Variants in BTBD7 observed in about 807,000 individuals in gnomAD.
BTBD7 encodes the protein BTB/POZ domain-containing protein 7.
A neutral mutation model predicts 99.9 loss-of-function variants in BTBD7; 38 were observed. The observed-to-expected ratio is 0.38, with a 90% confidence interval of 0.29 to 0.50. The LOEUF is 0.50. Among genes scored for constraint, BTBD7 ranks in the 20% least tolerant of loss-of-function variants. The probability of loss-of-function intolerance (pLI) is 0.93; values close to 1 mark genes in which losing one functional copy is unlikely to be tolerated. For synonymous variants in BTBD7, 520 were observed against 511.4 expected, an observed-to-expected ratio of 1.02 and a Z score of -0.23; for missense variants, 1,170 against 1,394.6, an observed-to-expected ratio of 0.84 and a Z score of 2.57.
chr14:93,267,845 T>G (rs1477836069), intron 3 of BTBD7, among the ~76,000 whole-genome samples: 1 of 152,208 alleles, frequency 6.6e-6, no homozygotes, highest in African/African-American at 2.4e-5. Context: ...ACTTTTCCCC[T>G]GCATTATTGA....
Position 93,242,915 on chromosome 14 carries a change from A to T in BTBD7, c.2757T>A (p.His919Gln), listed in dbSNP as rs1299021045. Reference protein sequence around the residue: ...PQHLSCIPQRHTHTSRKKHTL... With the variant: ...PQHLSCIPQRQTHTSRKKHTL... Reference sequence around the variant, plus strand: ...TGTGTTTTTTCCGAGAAGTGTGTGTATGTCTCTGTGGAATACACGACAGAT... The same window carrying T: ...TGTGTTTTTTCCGAGAAGTGTGTGTTTGTCTCTGTGGAATACACGACAGAT... The change falls in exon 11 of 11, where the codon CAT (histidine) becomes CAA (glutamine). Residue 919 changes from histidine (H) to glutamine (Q), a missense_variant. Around this residue, in one of 4 missense-constraint regions of BTBD7, gnomAD observed 495 missense variants for 525.9 expected, o/e 0.94. Transcript: ENST00000334746. 6.2e-7 allele frequency: 1 copy of T among 1,613,954 alleles called. No individual in the cohort carries two copies. Among genetic ancestry groups the T allele is most frequent in the Non-Finnish European group, 8.5e-7 (1 of 1,179,998 alleles).
In BTBD7 at chr14:93,237,618, G is replaced by A. The variant is rs577306562; in HGVS notation, c.*4655C>T. 5.4e-4 allele frequency: 82 copies of A among 152,740 alleles called. No individual in the cohort carries two copies. The highest frequency in any genetic ancestry group is 1.9e-3 in the African/African-American group (78 of 41,566). 9.5% of individuals were successfully genotyped at this position (152,740 alleles called of 1,614,324 possible). A position where few individuals can be genotyped will look rare whatever the true frequency, so the allele number is the denominator to read the frequency against. ...TAAAGTCAGTGTTACATGCTTATCAGTAACAGTAGAAAAATAGAAGCAGTG... is the reference window on the plus strand; with the variant it reads ...TAAAGTCAGTGTTACATGCTTATCAATAACAGTAGAAAAATAGAAGCAGTG... On this transcript the variant is annotated 3_prime_UTR_variant, in exon 11 of 11. Coordinates refer to ENST00000334746, the MANE Select transcript of BTBD7 (RefSeq NM_001002860.4).
At chr14:93,319,432 A>G (rs2053245020) in intron 1 of BTBD7, among the ~76,000 whole-genome samples, 1 of 152,224 alleles carries the variant, frequency 6.6e-6, no homozygotes. Flanking sequence ...ATGGAATACT[A>G]TTTGGCCTCA....
At chr14:93,312,947 G>A (rs1177622334) in intron 1 of BTBD7, among the ~76,000 whole-genome samples, 1 of 152,002 alleles carries the variant, frequency 6.6e-6, no homozygotes, top group Non-Finnish European at 1.5e-5. Flanking sequence ...ACAGAAGTTT[G>A]GCATGACATA....
intron 1 of BTBD7, among the ~76,000 whole-genome samples, chr14:93,317,297 G>A (rs529808112): frequency 4.0e-5 from 6 of 151,672 alleles, no homozygotes; most frequent in South Asian, 4.2e-4. Context: ...GAGCCACTGC[G>A]CCCGGCCGGA....
chr14:93,329,698 G>A (rs1362084869), intron 1 of BTBD7, among the ~76,000 whole-genome samples: 3 of 152,132 alleles, frequency 2.0e-5, no homozygotes, highest in Admixed American at 1.3e-4. Context: ...AGATATAGAA[G>A]GACAAATACT....
intron 4 of BTBD7, 25 bp from the exon 5 acceptor site, chr14:93,261,702 T>A (rs2052491041): frequency 1.3e-6 from 2 of 1,539,166 alleles, no homozygotes; most frequent in Admixed American, 1.7e-5. Flanking sequence ...GGTTTATATT[T>A]ATTTTAGTGA....
intron 10 of BTBD7, chr14:93,244,165 C>A: frequency 2.2e-6 from 1 of 447,602 alleles, no homozygotes; most frequent in South Asian, 1.7e-5. Flanking sequence ...GCAGACTAGG[C>A]TGATTTTCCC....
chr14:93,287,085 C>G (rs1334756398), intron 3 of BTBD7, among the ~76,000 whole-genome samples: 1 of 151,896 alleles, frequency 6.6e-6, no homozygotes, highest in Non-Finnish European at 1.5e-5. Flanking sequence ...AAAAATTAGC[C>G]GGGCATGGTG....
rs2052907509 is a variant in BTBD7 at position 93,294,950 on chromosome 14, T to G, written c.83-13A>C. 2 of 1,525,708 alleles carry G rather than the reference T, an allele frequency of 1.3e-6. No homozygotes were observed. The highest frequency in any genetic ancestry group is 1.7e-6 in the Non-Finnish European group (2 of 1,143,366). The allele number at this position is 1,525,708 out of a possible 1,614,324, so 94.5% of individuals were successfully genotyped here. A position where few individuals can be genotyped will look rare whatever the true frequency, so the allele number is the denominator to read the frequency against. Reference sequence around the variant, plus strand: ...TAGGATGAGGTCCCTAAGAAAAAAATTAAACAAATGAAAATTTATTTTTTC... The same window carrying G: ...TAGGATGAGGTCCCTAAGAAAAAAAGTAAACAAATGAAAATTTATTTTTTC... On this transcript the variant is annotated splice_polypyrimidine_tract_variant and intron_variant, in intron 2 of 10. Coordinates refer to ENST00000334746, the MANE Select transcript of BTBD7 (RefSeq NM_001002860.4).
intron 3 of BTBD7, chr14:93,287,845 T>C (rs2052798609): frequency 6.6e-6 from 1 of 152,228 alleles, no homozygotes; most frequent in South Asian, 2.1e-4. Flanking sequence ...GTTTGCTTCG[T>C]CATTTGGTGG....
At chr14:93,270,510 TG>T (rs1349805357) in intron 3 of BTBD7, among the ~76,000 whole-genome samples, 1 of 151,644 alleles carries the variant, frequency 6.6e-6, no homozygotes, top group Non-Finnish European at 1.5e-5. Context: ...CTAGCCAACA[TG>T]GCGAAACCCA....
intron 1 of BTBD7, among the ~76,000 whole-genome samples, chr14:93,298,766 G>A (rs75538608): frequency 0.02 from 2,982 of 152,236 alleles, 51 homozygotes; most frequent in South Asian, 0.076. Context: ...ATTTTACGAT[G>A]AGCACAATTA....
At chr14:93,261,953 AT>A (rs2052493587) in intron 4 of BTBD7, among the ~76,000 whole-genome samples, 2 of 151,668 alleles carry the variant, frequency 1.3e-5, no homozygotes, top group Non-Finnish European at 2.9e-5. Flanking sequence ...CTCCCTTCCT[AT>A]TTTATTTTTT....
chr14:93,314,360 TA>T (rs2053175132), intron 1 of BTBD7, among the ~76,000 whole-genome samples: 1 of 152,144 alleles, frequency 6.6e-6, no homozygotes, highest in South Asian at 2.1e-4. Context: ...AAATTTACAC[TA>T]AATCCTAAAA....
At chr14:93,292,870 T>G (rs1029630187) in intron 3 of BTBD7, among the ~76,000 whole-genome samples, 1 of 152,220 alleles carries the variant, frequency 6.6e-6, no homozygotes, top group Admixed American at 6.5e-5. Context: ...CAAAGCCCTA[T>G]TGATAGGCTG....
chr14:93,244,580 C>T (rs1487912984), intron 10 of BTBD7, among the ~76,000 whole-genome samples: 12 of 152,034 alleles, frequency 7.9e-5, no homozygotes, highest in African/African-American at 2.7e-4. Flanking sequence ...ACCCGGGAGG[C>T]GGAGATTGCA....
At chr14:93,295,171 A>G (rs1184908377) in intron 2 of BTBD7, among the ~76,000 whole-genome samples, 1 of 152,184 alleles carries the variant, frequency 6.6e-6, no homozygotes, top group Admixed American at 6.5e-5. Flanking sequence ...TGCAGTGGGA[A>G]GATCATAGCT....
intron 3 of BTBD7, among the ~76,000 whole-genome samples, chr14:93,283,996 A>T (rs1033938456): frequency 6.6e-6 from 1 of 152,252 alleles, no homozygotes; most frequent in Admixed American, 6.5e-5. Context: ...TACTTAACTT[A>T]GATTAAGAAT....
Sources: gnomAD v4.1 joint callset for allele counts (sites outside exome capture counted in the v4.1 genomes callset) on GRCh38, gnomAD v4.1.1 for gene constraint, gnomAD v4.1.1 regional missense constraint, MANE v1.5 for transcripts, NCBI Gene and HGNC (gene_info 2026-07-23, HGNC 2026-07-21) for gene names.